Variants in STIL observed in about 807,000 individuals in gnomAD.
STIL encodes SCL-interrupting locus protein.
A neutral mutation model predicts 110.1 loss-of-function variants in STIL; 55 were observed. The observed-to-expected ratio is 0.50, with a 90% confidence interval of 0.40 to 0.63. STIL has a LOEUF of 0.63. Ranked by LOEUF, STIL falls within the 20% of genes least tolerant of loss-of-function variation. STIL has a pLI of 0.00. For missense variants in STIL, 1,358 were observed against 1,530.0 expected (o/e 0.89, Z 1.87); for synonymous variants, 481 against 530.0 (o/e 0.91, Z 1.27).
chr1:47,266,045 G>C (rs967400094), intron 14 of STIL, among the ~76,000 whole-genome samples: 6 of 152,042 alleles, frequency 3.9e-5, no homozygotes, highest in African/African-American at 7.2e-5. Context: ...TAAGATTACA[G>C]GCATGAGCCA....
intron 1 of STIL, among the ~76,000 whole-genome samples, 175 bp from the exon 2 acceptor site, chr1:47,310,537 T>C (rs1338164518): frequency 6.6e-6 from 1 of 152,222 alleles, no homozygotes; most frequent in Non-Finnish European, 1.5e-5. Context: ...GTTAGAGTCA[T>C]TCTGCCAATA....
rs769217306 is a variant in STIL at position 47,260,470 on chromosome 1, T to C, written c.2899A>G (p.Ile967Val). 6.2e-7 allele frequency: 1 copy of C among 1,614,234 alleles called. No individual in the cohort carries two copies. Among genetic ancestry groups the C allele is most frequent in the Admixed American group, 1.7e-5 (1 of 60,036 alleles). Reference protein sequence around the residue: ...TEQPSTKAVIISHECTRTQNV... With the variant: ...TEQPSTKAVIVSHECTRTQNV... The stretch of plus-strand genomic sequence containing the variant: ...TGGGTTCTGGTGCATTCATGACTGA[T>C]AATTACTGCTTTGGTAGACGGCTGC... Residue 967 changes from isoleucine to valine, a missense_variant, in exon 16 of 17, where the codon ATC becomes GTC. By Grantham distance (29) the Ile-to-Val change is conservative. Coordinates refer to ENST00000371877, the MANE Select transcript of STIL (RefSeq NM_001048166.1).
chr1:47,311,165 C>A (rs2149283078), intron 1 of STIL, among the ~76,000 whole-genome samples: 1 of 151,816 alleles, frequency 6.6e-6, no homozygotes, highest in Non-Finnish European at 1.5e-5. Flanking sequence ...TTTTTAACTC[C>A]ACATGCTCTC....
At chr1:47,289,663 C>T (rs928412147) in intron 8 of STIL, 78 bp from the exon 9 acceptor site, 2 of 1,359,554 alleles carry the variant, frequency 1.5e-6, no homozygotes, top group African/African-American at 1.4e-5. Context: ...GTGAGTCTCC[C>T]AATCTAGTTA....
chr1:47,299,030 C>T (rs771085846), intron 6 of STIL, among the ~76,000 whole-genome samples: 116 of 125,968 alleles, frequency 9.2e-4, no homozygotes, highest in Non-Finnish European at 1.5e-3. Context: ...ATTTTTACCA[C>T]CACTTTTTTT....
chr1:47,289,540 C>T lies in STIL; in HGVS notation c.918G>A (p.Met306Ile). ...CATAAAACTCAGGTTCCTTATGTGT[C>T]ATAGAATAGAGAACTATGATGAAAT... The part of the protein sequence containing the change: ...SGNFIIVLYS[M>I]THKEPEFYEC... The change falls in exon 9 of 17, where the codon ATG becomes ATA. Residue 306 changes from methionine to isoleucine, a missense_variant. Met to Ile is a conservative substitution (Grantham distance 10, BLOSUM62 1). Coordinates refer to ENST00000371877, the MANE Select transcript of STIL (RefSeq NM_001048166.1). 1 of 1,613,744 alleles carries T rather than the reference C, an allele frequency of 6.2e-7. No individual in the cohort carries two copies. Among genetic ancestry groups the T allele is most frequent in the Non-Finnish European group, 8.5e-7 (1 of 1,179,810 alleles).
chr1:47,280,291 A>G lies in STIL; in HGVS notation c.2167T>C (p.Tyr723His), dbSNP rs1356770510. The stretch of plus-strand genomic sequence containing the variant: ...CTGTCTTGTTCTGTGAGGAACCGAT[A>G]TGCATCTGGAGATAGTCCCATCATT... ...NGMMGLSPDA[Y>H]RFLTEQDRQL... Residue 723 changes from tyrosine (Y) to histidine (H), a missense_variant, in exon 12 of 17, where the codon TAT becomes CAT. By Grantham distance (83) the Tyr-to-His change is moderately conservative (BLOSUM62 2). Transcript: ENST00000371877. 6.2e-7 allele frequency: 1 copy of G among 1,614,238 alleles called. No individual in the cohort carries two copies. Among genetic ancestry groups the G allele is most frequent in the South Asian group, 1.1e-5 (1 of 91,090 alleles).
chr1:47,251,735 T>C lies in STIL; in HGVS notation c.3268A>G (p.Asn1090Asp). The change falls in exon 17 of 17, where the codon AAT becomes GAT. Residue 1090 changes from asparagine (N) to aspartate (D), a missense_variant. Transcript: ENST00000371877. ...TGGAGAAGGCTGAATGGGTCACAAT[T>C]ATTTTGGTTCGATCGAGTGACAGAC... ...QLSVTRSNQN[N>D]CDPFSLLHIN... 6.2e-7 allele frequency: 1 copy of C among 1,614,162 alleles called. No individual in the cohort carries two copies. The highest frequency in any genetic ancestry group is 2.2e-5 in the East Asian group (1 of 44,886).
Position 47,304,997 on chromosome 1 carries a change from C to T in STIL, c.45-1G>A, listed in dbSNP as rs1177402497. ...AGGTACCATCCTGCTTGAAGGAAAC[C>T]TTTTGAAAAAACAATGTAAAATTAA... On this transcript the variant is annotated splice_acceptor_variant, in intron 2 of 16. Coordinates refer to ENST00000371877, the MANE Select transcript of STIL (RefSeq NM_001048166.1). LOFTEE classifies it high-confidence loss of function. The T allele has an allele frequency of 6.2e-7, 1 of 1,612,092 alleles. No homozygotes were observed. Among genetic ancestry groups the T allele is most frequent in the Non-Finnish European group, 8.5e-7 (1 of 1,178,506 alleles).
At chr1:47,308,169 G>A (rs551582982) in intron 2 of STIL, among the ~76,000 whole-genome samples, 53 of 152,016 alleles carry the variant, frequency 3.5e-4, no homozygotes, top group Non-Finnish European at 6.0e-4. Context: ...ACACCTATTC[G>A]CACACTCCCT....
intron 10 of STIL, among the ~76,000 whole-genome samples, chr1:47,284,821 T>C (rs1292662492): frequency 1.3e-5 from 2 of 151,028 alleles, no homozygotes; most frequent in Non-Finnish European, 2.9e-5. Flanking sequence ...ACCTGCGAAG[T>C]GGAGGTTGCA....
intron 2 of STIL, among the ~76,000 whole-genome samples, chr1:47,305,482 A>G (rs1405423938): frequency 6.6e-6 from 1 of 151,812 alleles, no homozygotes; most frequent in Non-Finnish European, 1.5e-5. Context: ...AGGCTGGAGT[A>G]CTGTGGTGCA....
At chr1:47,310,235 G>A (rs1329141576) in intron 2 of STIL, 41 bp downstream of exon 2, 1 of 1,591,458 alleles carries the variant, frequency 6.3e-7, no homozygotes, top group Non-Finnish European at 8.6e-7. Context: ...CAAGTTATGT[G>A]AAAAGCTGTA....
At chr1:47,306,369 G>C (rs1218747331) in intron 2 of STIL, among the ~76,000 whole-genome samples, 2 of 151,320 alleles carry the variant, frequency 1.3e-5, no homozygotes, top group Admixed American at 6.6e-5. Context: ...TGGGCTCAAG[G>C]GAGCCTCTCA....
chr1:47,266,943 T>C (rs1644671374), intron 14 of STIL, among the ~76,000 whole-genome samples: 2 of 152,230 alleles, frequency 1.3e-5, no homozygotes, highest in African/African-American at 4.8e-5. Context: ...CCTGCCTGTA[T>C]CTCAGACTTC....
intron 12 of STIL, among the ~76,000 whole-genome samples, chr1:47,279,936 G>A (rs1156591433): frequency 6.6e-6 from 1 of 152,034 alleles, no homozygotes; most frequent in Non-Finnish European, 1.5e-5. Context: ...TGTATATAAA[G>A]GCTTAGTTAA....
chr1:47,311,283 CTT>C (rs536667689), intron 1 of STIL, among the ~76,000 whole-genome samples: 51 of 132,092 alleles, frequency 3.9e-4, no homozygotes, highest in Admixed American at 5.4e-4. Context: ...TTCTTTTTTT[CTT>C]TTTTTTTTTT....
chr1:47,266,920 A>G (rs1450442077), intron 14 of STIL, among the ~76,000 whole-genome samples: 1 of 152,214 alleles, frequency 6.6e-6, no homozygotes, highest in Non-Finnish European at 1.5e-5. Flanking sequence ...ACAAAGCCCC[A>G]TATAACTTGG....
intron 8 of STIL, among the ~76,000 whole-genome samples, chr1:47,293,200 T>C (rs1327006959): frequency 3.3e-5 from 5 of 152,126 alleles, no homozygotes; most frequent in South Asian, 2.1e-4. Flanking sequence ...ATCTCCACAG[T>C]TTTTTTCCAC....
Sources: gnomAD v4.1 joint callset for allele counts (sites outside exome capture counted in the v4.1 genomes callset) on GRCh38, gnomAD v4.1.1 for gene constraint, MANE v1.5 for transcripts, NCBI Gene and HGNC (gene_info 2026-07-23, HGNC 2026-07-21) for gene names.